Variants in MINDY3 observed in about 807,000 individuals in gnomAD.
MINDY3 encodes ubiquitin carboxyl-terminal hydrolase MINDY-3.
MINDY3 carries 38 observed loss-of-function variants against 69.2 expected under a neutral mutation model. The observed-to-expected ratio is 0.55, with a 90% confidence interval of 0.42 to 0.72. The LOEUF (loss-of-function observed/expected upper bound fraction) is 0.72. Ranked by LOEUF, MINDY3 falls within the 30% of genes least tolerant of loss-of-function variation. The pLI is 0.00. For missense variants in MINDY3, 522 were observed against 519.0 expected, an observed-to-expected ratio of 1.01 and a Z score of -0.06; for synonymous variants, 192 against 180.1, an observed-to-expected ratio of 1.07 and a Z score of -0.53.
chr10:15,818,326 A>G lies in MINDY3; in HGVS notation c.802-1411T>C, dbSNP rs562816143. ...TAAATTAAGGTAGAAGTAAAAAAAA[A>G]AAACAAACAAACAAAGGATAAGATC... On this transcript the variant is annotated intron_variant, in intron 9 of 14. Coordinates refer to ENST00000277632, the MANE Select transcript of MINDY3 (RefSeq NM_024948.4). Among the ~76,000 whole-genome samples, 6 of 151,976 alleles carry G rather than the reference A, an allele frequency of 3.9e-5. 1 individual carries two copies. Among genetic ancestry groups the G allele is most frequent in the Non-Finnish European group, 8.8e-5 (6 of 68,004 alleles).
At chr10:15,816,719 AT>A in intron 10 of MINDY3, 115 bp downstream of exon 10, 1 of 718,000 alleles carries the variant, frequency 1.4e-6, no homozygotes, top group Non-Finnish European at 2.4e-6. Context: ...TTTTTGAACA[AT>A]TCATTTGTTG....
intron 10 of MINDY3, among the ~76,000 whole-genome samples, chr10:15,801,628 C>T (rs1838265430): frequency 6.6e-6 from 1 of 152,012 alleles, no homozygotes; most frequent in South Asian, 2.1e-4. Flanking sequence ...AGGCTCATTA[C>T]ACACAGTAGT....
intron 9 of MINDY3, among the ~76,000 whole-genome samples, chr10:15,819,317 T>TAG (rs1304986848): frequency 2.0e-5 from 3 of 152,158 alleles, no homozygotes; most frequent in Non-Finnish European, 2.9e-5. Flanking sequence ...TTTGAGAAGT[T>TAG]AGAGAGAGAT....
intron 1 of MINDY3, among the ~76,000 whole-genome samples, chr10:15,849,551 G>A (rs1051218655): frequency 6.6e-6 from 1 of 151,682 alleles, no homozygotes; most frequent in Non-Finnish European, 1.5e-5. Context: ...CAACATTACC[G>A]TGGAGAAGAG....
rs78709304 is a variant in MINDY3 at position 15,830,111 on chromosome 10, A to T, written c.730+3519T>A. Among the ~76,000 whole-genome samples the T allele has an allele frequency of 1.1e-3, 167 of 152,360 alleles. 1 individual carries two copies. The highest frequency in any genetic ancestry group is 3.8e-3 in the African/African-American group (158 of 41,590). The stretch of plus-strand genomic sequence containing the variant: ...TCAAATAAAGCTTGTTGAATAAAGT[A>T]ACATCAGAAAACATTATGGCAAGCT... On this transcript the variant is annotated intron_variant, in intron 8 of 14. Coordinates refer to ENST00000277632, the MANE Select transcript of MINDY3 (RefSeq NM_024948.4).
chr10:15,836,016 T>C (rs987628762), intron 6 of MINDY3, among the ~76,000 whole-genome samples: 5 of 152,112 alleles, frequency 3.3e-5, no homozygotes, highest in Non-Finnish European at 5.9e-5. Flanking sequence ...TCAAACTTTT[T>C]ACTGTGTTCC....
At chr10:15,816,283 A>G (rs1839360637) in intron 10 of MINDY3, among the ~76,000 whole-genome samples, 1 of 136,548 alleles carries the variant, frequency 7.3e-6, no homozygotes, top group Non-Finnish European at 1.5e-5. Flanking sequence ...AAAAAAAATG[A>G]AAAAGAAAAA....
At chr10:15,857,477 A>C (rs1834768750) in intron 1 of MINDY3, among the ~76,000 whole-genome samples, 1 of 152,174 alleles carries the variant, frequency 6.6e-6, no homozygotes. Context: ...ATACTGGTGT[A>C]GTTTGTGGGA....
At chr10:15,808,663 T>G (rs191347592) in intron 10 of MINDY3, among the ~76,000 whole-genome samples, 80 of 152,304 alleles carry the variant, frequency 5.3e-4, no homozygotes, top group Non-Finnish European at 2.9e-5. Flanking sequence ...AGTTTCTTTA[T>G]ATGAACAGTT....
intron 14 of MINDY3, among the ~76,000 whole-genome samples, chr10:15,779,955 T>C (rs1836395085): frequency 6.6e-6 from 1 of 152,230 alleles, no homozygotes; most frequent in Admixed American, 6.5e-5. Flanking sequence ...GGGCTCACTG[T>C]GGACATTAAG....
chr10:15,845,813 A>AT (rs891710697), intron 2 of MINDY3, among the ~76,000 whole-genome samples: 10,509 of 49,292 alleles, frequency 0.21, 3,040 homozygotes, highest in African/African-American at 0.31. Context: ...GGCCTATGTG[A>AT]TTTTTTTTTT....
intron 1 of MINDY3, among the ~76,000 whole-genome samples, chr10:15,856,058 T>A (rs889419092): frequency 3.9e-5 from 6 of 151,910 alleles, no homozygotes; most frequent in Non-Finnish European, 8.8e-5. Flanking sequence ...AAAATATATA[T>A]AAGAGAATGT....
chr10:15,823,505 C>G (rs1839903940), intron 8 of MINDY3, among the ~76,000 whole-genome samples: 1 of 152,114 alleles, frequency 6.6e-6, no homozygotes, highest in African/African-American at 2.4e-5. Context: ...CAACGTCACT[C>G]TCCTTAATTT....
intron 5 of MINDY3, chr10:15,837,895 A>G: frequency 1.1e-6 from 1 of 934,034 alleles, no homozygotes; most frequent in Non-Finnish European, 1.3e-6. Flanking sequence ...TGGCAAATAA[A>G]TAATTCTAAT....
chr10:15,835,591 A>G (rs1023448653), intron 6 of MINDY3, among the ~76,000 whole-genome samples: 1 of 152,080 alleles, frequency 6.6e-6, no homozygotes, highest in African/African-American at 2.4e-5. Context: ...TCAAGGAAGG[A>G]CAACTTGCAT....
rs1426152918 is a variant in MINDY3 at position 15,860,497 on chromosome 10, G to A, written c.-198C>T. 3 of 596,748 alleles carry A rather than the reference G, an allele frequency of 5.0e-6. No homozygotes were observed. Among genetic ancestry groups the A allele is most frequent in the Middle Eastern group, 4.3e-4 (1 of 2,310 alleles). The allele number at this position is 596,748 out of a possible 1,614,324, so 37.0% of individuals were successfully genotyped here. A position where few individuals can be genotyped will look rare whatever the true frequency, so the allele number is the denominator to read the frequency against. On this transcript the variant is annotated 5_prime_UTR_variant, in exon 1 of 15. In the 5' UTR this introduces an upstream ATG that the reference lacks. Transcript: ENST00000277632. The stretch of plus-strand genomic sequence containing the variant: ...AGGTTGGGGCAGCAGCGAGTTTTCC[G>A]TACCGGAAGTGCTGGTGCCACTTCC...
intron 8 of MINDY3, among the ~76,000 whole-genome samples, chr10:15,829,757 A>G (rs1387153430): frequency 1.3e-5 from 2 of 152,226 alleles, no homozygotes; most frequent in East Asian, 1.9e-4. Flanking sequence ...ATGAGACCAC[A>G]ACAGACTTGG....
chr10:15,822,425 G>A (rs1839829806), intron 8 of MINDY3, among the ~76,000 whole-genome samples: 1 of 152,182 alleles, frequency 6.6e-6, no homozygotes, highest in African/African-American at 2.4e-5. Context: ...GAATCTTGAA[G>A]CGTATTACAG....
Position 15,849,530 on chromosome 10 carries a change from C to T in MINDY3, c.95-1587G>A, listed in dbSNP as rs143476276. On this transcript the variant is annotated intron_variant, in intron 1 of 14. Transcript: ENST00000277632. ...AACATCCCTATAGAGATGATGCTGA[C>T]GTAATGAAAGCAACATTACCGTGGA... Among the ~76,000 whole-genome samples, 601 of 150,986 alleles carry T rather than the reference C, an allele frequency of 4.0e-3. 2 individuals are homozygous for T. Among genetic ancestry groups the T allele is most frequent in the African/African-American group, 0.013 (532 of 41,124 alleles).
Sources: allele counts gnomAD v4.1 joint callset (sites outside exome capture counted in the v4.1 genomes callset), GRCh38; gene constraint gnomAD v4.1.1; transcripts MANE v1.5; gene names NCBI Gene and HGNC (gene_info 2026-07-23, HGNC 2026-07-21).